Variants in CYP2C19 observed in about 807,000 individuals in gnomAD.
The protein encoded by CYP2C19 is cytochrome P450 2C19.
In CYP2C19, 59 loss-of-function variants were observed where a neutral mutation model predicts 40.9. The ratio of observed to expected loss-of-function variants is 1.44; its 90% CI spans 1.17 to 1.79. CYP2C19 has a LOEUF of 1.79. Ranked by LOEUF, CYP2C19 falls within the 40% of genes most tolerant of loss-of-function variation. The pLI is 0.00. For missense variants in CYP2C19, 754 were observed against 596.9 expected (o/e 1.26, Z -2.74); for synonymous variants, 253 against 208.7 (o/e 1.21, Z -1.83).
At chr10:94,798,482 C>T (rs531465115) in intron 5 of CYP2C19, among the ~76,000 whole-genome samples, 4 of 151,998 alleles carry the variant, frequency 2.6e-5, no homozygotes, top group East Asian at 3.9e-4. Flanking sequence ...TTTGGGGTGG[C>T]GAGTTCTGTA....
chr10:94,829,137 G>A (rs1456878650), intron 6 of CYP2C19, among the ~76,000 whole-genome samples: 9 of 152,062 alleles, frequency 5.9e-5, no homozygotes, highest in Non-Finnish European at 1.3e-4. Flanking sequence ...TGACAATTAT[G>A]TGTCTTGGAG....
At chr10:94,826,587 A>G (rs1849227112) in intron 6 of CYP2C19, among the ~76,000 whole-genome samples, 4 of 152,204 alleles carry the variant, frequency 2.6e-5, no homozygotes, top group Admixed American at 2.6e-4. Flanking sequence ...CTAGATATAC[A>G]ATCATGTCAT....
At chr10:94,798,598 G>T (rs561783154) in intron 5 of CYP2C19, among the ~76,000 whole-genome samples, 42 of 152,014 alleles carry the variant, frequency 2.8e-4, no homozygotes, top group Non-Finnish European at 4.3e-4. Context: ...GGATGTTAAA[G>T]TCTGCCATTA....
At chr10:94,835,401 G>T (rs560396010) in intron 6 of CYP2C19, among the ~76,000 whole-genome samples, 1 of 152,130 alleles carries the variant, frequency 6.6e-6, no homozygotes, top group Non-Finnish European at 1.5e-5. Context: ...TAGCCATCCC[G>T]AGGGGAGAAA....
intron 5 of CYP2C19, among the ~76,000 whole-genome samples, chr10:94,800,335 C>CTGCAGAACAGCAAATAT (rs774868698): frequency 1.3e-5 from 2 of 152,242 alleles, no homozygotes; most frequent in African/African-American, 4.8e-5. Flanking sequence ...CCAGCGGAGG[C>CTGCAGAACAGCAAATAT]TGCAGAACAG....
intron 6 of CYP2C19, among the ~76,000 whole-genome samples, chr10:94,842,198 TG>T (rs1304482829): frequency 6.6e-6 from 1 of 152,180 alleles, no homozygotes; most frequent in Non-Finnish European, 1.5e-5. Flanking sequence ...TACTTAAAAT[TG>T]TTCCATCCTC....
chr10:94,843,459 G>C (rs992297244), intron 7 of CYP2C19, among the ~76,000 whole-genome samples: 1 of 152,114 alleles, frequency 6.6e-6, no homozygotes, highest in Admixed American at 6.5e-5. Flanking sequence ...ATTTTCCCAG[G>C]AATGTTGTGA....
At chr10:94,785,885 G>A (rs1848533387) in intron 5 of CYP2C19, among the ~76,000 whole-genome samples, 1 of 152,064 alleles carries the variant, frequency 6.6e-6, no homozygotes, top group East Asian at 1.9e-4. Flanking sequence ...CGCTGGTCAA[G>A]TGGAAAGTCC....
chr10:94,830,361 A>G lies in CYP2C19; in HGVS notation c.961+9724A>G, dbSNP rs112205047. ...GGTGCGGGATATAATCTCGTGGTGC[A>G]CCGTTTTTTAAGCCCATCGGAAAAG... On this transcript the variant is annotated intron_variant, in intron 6 of 8. Coordinates refer to ENST00000371321, the MANE Select transcript of CYP2C19 (RefSeq NM_000769.4). 3.1e-3 allele frequency among the ~76,000 whole-genome samples: 478 copies of G among 152,046 alleles called. 2 individuals carry two copies. The highest frequency in any genetic ancestry group is 0.011 in the African/African-American group (447 of 41,448).
intron 3 of CYP2C19, chr10:94,775,984 C>T (rs989756977): frequency 4.9e-6 from 1 of 203,856 alleles, no homozygotes; most frequent in African/African-American, 2.3e-5. Context: ...TTTAATTGGA[C>T]TATGTTTGTA....
At chr10:94,834,772 T>A (rs1236575073) in intron 6 of CYP2C19, among the ~76,000 whole-genome samples, 5 of 152,340 alleles carry the variant, frequency 3.3e-5, no homozygotes, top group African/African-American at 9.6e-5. Context: ...CTCCTTACTA[T>A]CTGATTGGTC....
chr10:94,830,291 G>T (rs186534775), intron 6 of CYP2C19, among the ~76,000 whole-genome samples: 4 of 152,222 alleles, frequency 2.6e-5, no homozygotes, highest in African/African-American at 9.6e-5. Flanking sequence ...AGACTGCTGT[G>T]CTAGCAATTA....
Position 94,852,864 on chromosome 10 carries a change from G to A in CYP2C19, c.1423G>A (p.Gly475Arg), listed in dbSNP as rs1194850136. ...CCTTGACACAACTCCTGTTGTCAAT[G>A]GATTTGCTTCTGTCCCGCCCTTCTA... ...KDLDTTPVVN[G>R]FASVPPFYQL... is the part of the protein sequence containing the mutation. Residue 475 changes from glycine to arginine, a missense_variant, in exon 9 of 9, where the codon GGA becomes AGA. By Grantham distance (125) the Gly-to-Arg change is moderately radical. Coordinates refer to ENST00000371321, the MANE Select transcript of CYP2C19 (RefSeq NM_000769.4). 1 of 1,613,916 alleles carries A rather than the reference G, an allele frequency of 6.2e-7. No homozygotes were observed. The highest frequency in any genetic ancestry group is 8.5e-7 in the Non-Finnish European group (1 of 1,179,972).
In CYP2C19 at chr10:94,852,966, C is replaced by T. The variant is rs376246464; in HGVS notation, c.*52C>T. On this transcript the variant is annotated 3_prime_UTR_variant, in exon 9 of 9. Coordinates refer to ENST00000371321, the MANE Select transcript of CYP2C19 (RefSeq NM_000769.4). ...TGTGCTGTCCCTGCAGCTCTCTTTC[C>T]TCTGGTCCAAATTTCACTATCTGTG... 1.1e-5 allele frequency: 17 copies of T among 1,585,262 alleles called. No individual in the cohort carries two copies. In the African/African-American group the frequency reaches 2.2e-4, roughly 20 times the overall value.
At chr10:94,831,494 G>T (rs1315776948) in intron 6 of CYP2C19, among the ~76,000 whole-genome samples, 1 of 152,114 alleles carries the variant, frequency 6.6e-6, no homozygotes, top group African/African-American at 2.4e-5. Context: ...CTCCATAGTG[G>T]TCATACTAAT....
At chr10:94,800,475 G>C (rs1361406681) in intron 5 of CYP2C19, among the ~76,000 whole-genome samples, 1 of 152,208 alleles carries the variant, frequency 6.6e-6, no homozygotes, top group African/African-American at 2.4e-5. Context: ...GGCTACACGG[G>C]GTTCAGGTAC....
chr10:94,767,284 T>A (rs1848258866), intron 1 of CYP2C19, among the ~76,000 whole-genome samples: 1 of 152,176 alleles, frequency 6.6e-6, no homozygotes, highest in South Asian at 2.1e-4. Flanking sequence ...TCAGGTGCTG[T>A]GAAGGTGATA....
chr10:94,789,078 G>T (rs1848576298), intron 5 of CYP2C19, among the ~76,000 whole-genome samples: 1 of 152,032 alleles, frequency 6.6e-6, no homozygotes, highest in Non-Finnish European at 1.5e-5. Context: ...GTTTTGATTT[G>T]CATTCTTCTA....
intron 5 of CYP2C19, among the ~76,000 whole-genome samples, chr10:94,787,614 G>A (rs552550002): frequency 2.0e-5 from 3 of 152,052 alleles, no homozygotes; most frequent in African/African-American, 7.2e-5. Context: ...TTTTCTATAG[G>A]ATTGTTAGTT....
Sources: gnomAD v4.1 joint callset for allele counts (sites outside exome capture counted in the v4.1 genomes callset) on GRCh38, gnomAD v4.1.1 for gene constraint, MANE v1.5 for transcripts, NCBI Gene and HGNC (gene_info 2026-07-23, HGNC 2026-07-21) for gene names.